The following NALF1 variants were observed in gnomAD, a reference collection of about 807,000 sequenced individuals.
NALF1 encodes the protein family with sequence similarity 155 member A.
A neutral mutation model predicts 48.4 loss-of-function variants in NALF1; 3 were observed. That is an observed-to-expected ratio of 0.06 (90% confidence interval 0.03 to 0.16). The LOEUF (loss-of-function observed/expected upper bound fraction) is 0.16, where lower values mean the gene tolerates loss of function less well. Among genes scored for constraint, NALF1 ranks in the 10% least tolerant of loss-of-function variants. NALF1 has a pLI of 1.00. For synonymous variants in NALF1, 262 were observed against 245.7 expected, an observed-to-expected ratio of 1.07 and a Z score of -0.62; for missense variants, 526 against 571.5, an observed-to-expected ratio of 0.92 and a Z score of 0.81.
intron 1 of NALF1, among the ~76,000 whole-genome samples, chr13:107,572,903 T>C (rs561034530): frequency 3.2e-4 from 48 of 152,294 alleles, no homozygotes; most frequent in African/African-American, 1.1e-3. Context: ...TGCCAGTGAC[T>C]TCCTCATCCC....
At chr13:107,683,278 T>C (rs1433495583) in intron 1 of NALF1, among the ~76,000 whole-genome samples, 1 of 152,168 alleles carries the variant, frequency 6.6e-6, no homozygotes, top group African/African-American at 2.4e-5. Flanking sequence ...CATCAGTAAG[T>C]TGAACAGACA....
chr13:107,662,723 GA>G (rs1260612461), intron 1 of NALF1, among the ~76,000 whole-genome samples: 1 of 152,050 alleles, frequency 6.6e-6, no homozygotes, highest in Non-Finnish European at 1.5e-5. Context: ...TAACAGTAAA[GA>G]AATTTTTAAA....
In NALF1 at chr13:107,866,167, T is replaced by G; in HGVS notation, c.430A>C (p.Lys144Gln). 6.2e-7 allele frequency: 1 copy of G among 1,605,248 alleles called. No homozygotes were observed. Among genetic ancestry groups the G allele is most frequent in the Non-Finnish European group, 8.5e-7 (1 of 1,176,494 alleles). The change falls in exon 1 of 3, where the codon AAG becomes CAG. Residue 144 changes from lysine to glutamine, a missense_variant. Lys to Gln is a moderately conservative substitution (Grantham distance 53). Coordinates refer to ENST00000375915, the MANE Select transcript of NALF1 (RefSeq NM_001080396.3). The surrounding 1 kb of genome is among the most constrained non-coding windows in gnomAD (Gnocchi z 4.4). ...CGGTCGTCTTTGCCTCGGTTGCCCT[T>G]GCCGCCGCCGCCGCCGCCGTCTCCC... ...SPGDGGGGGGKGNRGKDDRGK... is the reference protein window; with the variant it reads ...SPGDGGGGGGQGNRGKDDRGK...
chr13:107,390,170 G>A (rs534055559), intron 1 of NALF1, among the ~76,000 whole-genome samples: 3 of 151,912 alleles, frequency 2.0e-5, no homozygotes, highest in African/African-American at 7.3e-5. Context: ...AGGAGTTTGA[G>A]ACCATAGTGA....
At chr13:107,504,713 T>C (rs887977805) in intron 1 of NALF1, among the ~76,000 whole-genome samples, 2 of 152,186 alleles carry the variant, frequency 1.3e-5, no homozygotes, top group African/African-American at 2.4e-5. Context: ...CTATTGAATA[T>C]AACATATCTT....
At chr13:107,660,980 G>A (rs879913108) in intron 1 of NALF1, among the ~76,000 whole-genome samples, 3 of 152,064 alleles carry the variant, frequency 2.0e-5, no homozygotes, top group Admixed American at 6.6e-5. Context: ...AAATATCAAA[G>A]GATTACTTTC....
At chr13:107,835,638 G>A (rs938224880) in intron 1 of NALF1, among the ~76,000 whole-genome samples, 4 of 151,196 alleles carry the variant, frequency 2.6e-5, no homozygotes, top group Admixed American at 2.0e-4. Flanking sequence ...CACACACACC[G>A]GTGACTCAGG....
intron 2 of NALF1, among the ~76,000 whole-genome samples, chr13:107,185,034 A>T (rs747804571): frequency 6.6e-6 from 1 of 152,190 alleles, no homozygotes; most frequent in East Asian, 1.9e-4. Context: ...AGGGAAACAC[A>T]GAGGGAAGAT....
At chr13:107,408,992 G>T (rs1883945832) in intron 1 of NALF1, among the ~76,000 whole-genome samples, 1 of 152,004 alleles carries the variant, frequency 6.6e-6, no homozygotes, top group African/African-American at 2.4e-5. Context: ...AAATAAATTT[G>T]AACAGTGTTA....
intron 1 of NALF1, among the ~76,000 whole-genome samples, chr13:107,824,188 C>A (rs527897494): frequency 6.6e-6 from 1 of 151,848 alleles, no homozygotes; most frequent in East Asian, 1.9e-4. Flanking sequence ...ATCTGCTTTC[C>A]ACTAAATTGT....
At chr13:107,632,789 C>T (rs186686114) in intron 1 of NALF1, among the ~76,000 whole-genome samples, 3 of 151,382 alleles carry the variant, frequency 2.0e-5, no homozygotes, top group African/African-American at 7.3e-5. Flanking sequence ...GTAAACATTG[C>T]ATTTTGAAAT....
chr13:107,522,931 T>C (rs1057326330), intron 1 of NALF1, among the ~76,000 whole-genome samples: 3 of 152,004 alleles, frequency 2.0e-5, no homozygotes, highest in Non-Finnish European at 4.4e-5. Flanking sequence ...CCAGATTCTT[T>C]GAAAGGAAGT....
chr13:107,402,387 C>T (rs1737200486), intron 1 of NALF1, among the ~76,000 whole-genome samples: 1 of 152,202 alleles, frequency 6.6e-6, no homozygotes, highest in Non-Finnish European at 1.5e-5. Context: ...AAGCCTCAGC[C>T]TTGCCCAACC....
intron 1 of NALF1, among the ~76,000 whole-genome samples, chr13:107,460,608 G>A (rs1369289900): frequency 6.6e-6 from 1 of 152,158 alleles, no homozygotes; most frequent in African/African-American, 2.4e-5. Flanking sequence ...TCTCAACACA[G>A]ATTTCGACCT....
intron 1 of NALF1, among the ~76,000 whole-genome samples, chr13:107,642,843 C>T (rs1297371013): frequency 6.6e-6 from 1 of 152,160 alleles, no homozygotes; most frequent in Admixed American, 6.6e-5. Flanking sequence ...ATGCCAGAAC[C>T]CCTTTTAACT....
At position 107,746,665 on chromosome 13, in the gene NALF1, G is replaced by A. The variant is rs117508003; in HGVS notation, c.915+119017C>T. 4.2e-3 allele frequency among the ~76,000 whole-genome samples: 642 copies of A among 152,312 alleles called. 4 individuals carry two copies. Among genetic ancestry groups the A allele is most frequent in the Non-Finnish European group, 6.7e-3 (453 of 68,028 alleles). ...TGCTGGAGATGCACTAAATGTAGAAGCTTCTTTTCAATGTTAACAGGAAAG... is the reference window on the plus strand; with the variant it reads ...TGCTGGAGATGCACTAAATGTAGAAACTTCTTTTCAATGTTAACAGGAAAG... On this transcript the variant is annotated intron_variant, in intron 1 of 2. Transcript: ENST00000375915.
intron 1 of NALF1, among the ~76,000 whole-genome samples, chr13:107,254,145 C>T (rs905405273): frequency 6.6e-6 from 1 of 151,680 alleles, no homozygotes; most frequent in Non-Finnish European, 1.5e-5. Context: ...TACACACAGG[C>T]AAGACATTGG....
At chr13:107,693,951 G>A (rs1218101271) in intron 1 of NALF1, among the ~76,000 whole-genome samples, 2 of 152,116 alleles carry the variant, frequency 1.3e-5, no homozygotes, top group Non-Finnish European at 2.9e-5. Context: ...TGAAGAGAGG[G>A]AACCATTAAA....
At chr13:107,709,790 A>G (rs1055855512) in intron 1 of NALF1, among the ~76,000 whole-genome samples, 2 of 152,222 alleles carry the variant, frequency 1.3e-5, no homozygotes, top group Non-Finnish European at 2.9e-5. Context: ...TATAATTACA[A>G]CGAATAATTA....
Sources: gnomAD v4.1 joint callset for allele counts (sites outside exome capture counted in the v4.1 genomes callset) on GRCh38, gnomAD v4.1.1 for gene constraint, Gnocchi (gnomAD v3.1) non-coding constraint, MANE v1.5 for transcripts, NCBI Gene and HGNC (gene_info 2026-07-23, HGNC 2026-07-21) for gene names.